Variants in APP observed in about 807,000 individuals in gnomAD.
APP encodes the protein amyloid-beta precursor protein.
A neutral mutation model predicts 101.4 loss-of-function variants in APP; 31 were observed. The ratio of observed to expected loss-of-function variants is 0.31; its 90% CI spans 0.23 to 0.41. The LOEUF (loss-of-function observed/expected upper bound fraction) is 0.41. APP is among the 10% of genes least tolerant of loss of function. The pLI is 1.00. For synonymous variants in APP, 366 were observed against 364.4 expected (o/e 1.00, Z -0.05); for missense variants, 839 against 1,003.7 (o/e 0.84, Z 2.22).
chr21:25,976,725 C>T (rs1402160750), intron 9 of APP, among the ~76,000 whole-genome samples: 1 of 152,150 alleles, frequency 6.6e-6, no homozygotes, highest in African/African-American at 2.4e-5. Context: ...AATTTAGTAA[C>T]CAACTGCTAT....
chr21:26,033,346 A>C (rs1001065381), intron 5 of APP, among the ~76,000 whole-genome samples: 2 of 152,156 alleles, frequency 1.3e-5, no homozygotes, highest in African/African-American at 4.8e-5. Context: ...CCGCCTTATG[A>C]AGAAGGATGT....
chr21:26,041,750 C>T (rs1023241691), intron 5 of APP, among the ~76,000 whole-genome samples: 2 of 152,054 alleles, frequency 1.3e-5, no homozygotes, highest in African/African-American at 4.8e-5. Context: ...TTTGGCCACA[C>T]ATCTGTAATC....
chr21:26,123,342 A>C lies in APP; in HGVS notation c.58-11196T>G, dbSNP rs45452293. ...TAATAGAAATTCAGTGAGAATATTA[A>C]CTTGACATAAAAACCCAAGATAATT... On this transcript the variant is annotated intron_variant, in intron 1 of 17. Coordinates refer to ENST00000346798, the MANE Select transcript of APP (RefSeq NM_000484.4). Among the ~76,000 whole-genome samples, 263 of 152,322 alleles carry C rather than the reference A, an allele frequency of 1.7e-3. 1 individual carries two copies. The East Asian group carries it at 0.018, about 11-fold the overall frequency.
intron 13 of APP, chr21:25,942,709 T>C (rs2040627375): frequency 6.6e-6 from 1 of 152,230 alleles, no homozygotes; most frequent in Admixed American, 6.5e-5. Context: ...TCCTTATTTC[T>C]TCAATCTCCT....
chr21:26,031,380 T>A (rs2044812621), intron 5 of APP, among the ~76,000 whole-genome samples: 1 of 152,146 alleles, frequency 6.6e-6, no homozygotes. Flanking sequence ...CCCCCTCTTT[T>A]TTGGGAAAAA....
intron 6 of APP, among the ~76,000 whole-genome samples, chr21:26,000,512 T>C (rs2043248253): frequency 6.6e-6 from 1 of 152,194 alleles, no homozygotes; most frequent in South Asian, 2.1e-4. Flanking sequence ...TTCTCCATTA[T>C]AAAAAATAAA....
rs373036213 is a variant in APP, at chr21:26,138,052, C to A, written c.58-25906G>T. Among the ~76,000 whole-genome samples the A allele has an allele frequency of 6.3e-4, 96 of 152,168 alleles. 2 individuals carry two copies. Among genetic ancestry groups the A allele is most frequent in the African/African-American group, 2.2e-3 (90 of 41,524 alleles). On this transcript the variant is annotated intron_variant, in intron 1 of 17. Coordinates refer to ENST00000346798, the MANE Select transcript of APP (RefSeq NM_000484.4). ...TGATTTAATATACTCTTAAAAGGAC[C>A]GTCTGAAACCAAAACATGTACTAAT...
intron 1 of APP, among the ~76,000 whole-genome samples, chr21:26,126,172 ACT>A (rs1427894090): frequency 2.6e-5 from 4 of 152,370 alleles, no homozygotes; most frequent in Non-Finnish European, 1.5e-5. Flanking sequence ...GAAGAACACA[ACT>A]GTGATCGCAA....
At chr21:25,914,843 G>A (rs986140102) in intron 13 of APP, among the ~76,000 whole-genome samples, 4 of 152,136 alleles carry the variant, frequency 2.6e-5, no homozygotes, top group Middle Eastern at 3.2e-3. Flanking sequence ...GTGAGCCACT[G>A]CACCCGGCTT....
rs550552503 is a variant in APP at position 25,989,977 on chromosome 21, C to T, written c.1090+7383G>A. ...CTAATTTCAAAAATAGTTAAAACTC[C>T]TAACGCATTCTACATTCAAATATTT... On this transcript the variant is annotated intron_variant, in intron 8 of 17. Transcript: ENST00000346798. 3.3e-5 allele frequency among the ~76,000 whole-genome samples: 5 copies of T among 151,862 alleles called. No homozygotes were observed. In the South Asian group the frequency reaches 6.2e-4, roughly 19 times the overall value.
intron 6 of APP, among the ~76,000 whole-genome samples, chr21:26,016,898 C>A (rs774571862): frequency 1.5e-5 from 2 of 137,844 alleles, no homozygotes; most frequent in Non-Finnish European, 1.5e-5. Flanking sequence ...TTTTTTCGGC[C>A]ACGCATGGTG....
intron 11 of APP, among the ~76,000 whole-genome samples, chr21:25,973,641 GACAA>G (rs1470494565): frequency 6.6e-6 from 1 of 152,046 alleles, no homozygotes; most frequent in South Asian, 2.1e-4. Flanking sequence ...CTTGCTCAAT[GACAA>G]ACAGAAAGAA....
intron 11 of APP, among the ~76,000 whole-genome samples, chr21:25,956,676 C>T (rs2041336318): frequency 1.3e-5 from 2 of 152,166 alleles, no homozygotes; most frequent in African/African-American, 2.4e-5. Flanking sequence ...CATGAGTACC[C>T]TGAAAACCAG....
intron 8 of APP, among the ~76,000 whole-genome samples, chr21:25,991,432 C>A (rs547372742): frequency 6.6e-6 from 1 of 152,096 alleles, no homozygotes; most frequent in South Asian, 2.1e-4. Context: ...GGCTGGAGTG[C>A]GATGGTGTGA....
intron 15 of APP, among the ~76,000 whole-genome samples, chr21:25,898,992 A>G (rs916273335): frequency 6.6e-6 from 1 of 152,226 alleles, no homozygotes; most frequent in Non-Finnish European, 1.5e-5. Context: ...AGGTAAGGAT[A>G]ATCTGACAAA....
intron 1 of APP, among the ~76,000 whole-genome samples, chr21:26,169,690 G>A (rs1048371054): frequency 6.6e-6 from 1 of 152,254 alleles, no homozygotes; most frequent in Non-Finnish European, 1.5e-5. Context: ...AGCCGGGCGG[G>A]AGCCTCGGTG....
chr21:26,161,276 T>C (rs2063487344), intron 1 of APP, among the ~76,000 whole-genome samples: 1 of 152,244 alleles, frequency 6.6e-6, no homozygotes. Context: ...TTTTACAATG[T>C]AGTAAATATA....
intron 9 of APP, among the ~76,000 whole-genome samples, chr21:25,977,776 G>A (rs1189252187): frequency 6.6e-6 from 1 of 152,176 alleles, no homozygotes; most frequent in Non-Finnish European, 1.5e-5. Context: ...AATAGAACAT[G>A]GAAGAAAAGA....
intron 3 of APP, among the ~76,000 whole-genome samples, chr21:26,080,778 A>G (rs1474767241): frequency 6.6e-6 from 1 of 151,964 alleles, no homozygotes; most frequent in East Asian, 1.9e-4. Context: ...TCAAAAAAAA[A>G]AAAAAAGAAA....
Sources: gnomAD v4.1 joint callset for allele counts (sites outside exome capture counted in the v4.1 genomes callset) on GRCh38, gnomAD v4.1.1 for gene constraint, MANE v1.5 for transcripts, NCBI Gene and HGNC (gene_info 2026-07-23, HGNC 2026-07-21) for gene names.